ANKRD11: variants seen among roughly 807,000 people sequenced by gnomAD.
ANKRD11 encodes the protein ankyrin repeat domain-containing protein 11.
Under a neutral mutation model 195.7 loss-of-function variants are expected in ANKRD11, and 17 were observed. The observed-to-expected ratio is 0.09, with a 90% CI of 0.06 to 0.13. ANKRD11 has a LOEUF of 0.13. Ranked by LOEUF, ANKRD11 falls within the 10% of genes least tolerant of loss-of-function variation. ANKRD11 has a pLI of 1.00. For synonymous variants in ANKRD11, 1,953 were observed against 1,528.1 expected (o/e 1.28, Z -6.49); for missense variants, 3,735 against 3,566.1 (o/e 1.05, Z -1.21).
At chr16:89,334,991 G>A (rs969749175) in intron 2 of ANKRD11, among the ~76,000 whole-genome samples, 18 of 152,090 alleles carry the variant, frequency 1.2e-4, no homozygotes, top group Admixed American at 1.1e-3. Flanking sequence ...GATCCCACAG[G>A]TACATGTGAC....
Position 89,285,479 on chromosome 16 carries a change from G to C in ANKRD11, c.1063C>G (p.Gln355Glu). Residue 355 changes from glutamine (Q) to glutamate (E), a missense_variant, in exon 9 of 13, where the codon CAG (glutamine) becomes GAG (glutamate). Coordinates refer to ENST00000301030, the MANE Select transcript of ANKRD11 (RefSeq NM_013275.6). The surrounding 1 kb of genome is among the most constrained non-coding windows in gnomAD (Gnocchi z 5.6). ...DEYEFDEDDE[Q>E]DRVPPVDDKH... ...TCGTCCACCGGAGGAACCCTGTCCT[G>C]CTCGTCGTCCTCATCAAACTCATAC... 1 of 1,614,192 alleles carries C rather than the reference G, an allele frequency of 6.2e-7. No homozygotes were observed. The highest frequency in any genetic ancestry group is 8.5e-7 in the Non-Finnish European group (1 of 1,180,032).
intron 11 of ANKRD11, among the ~76,000 whole-genome samples, chr16:89,274,416 G>A: frequency 6.6e-6 from 1 of 151,700 alleles, no homozygotes; most frequent in East Asian, 1.9e-4. Flanking sequence ...TGCTGTGAAA[G>A]CCCTCGATGT....
rs116068457 is a variant in ANKRD11, at chr16:89,459,034, G to A, written c.-145+31211C>T. On this transcript the variant is annotated intron_variant, in intron 1 of 12. Transcript: ENST00000301030. Reference sequence around the variant, plus strand: ...ACTCTTCAAAAACTATACTAAACAAGGGAAGACTGTGCTAGATGAAATAAC... The same window carrying A: ...ACTCTTCAAAAACTATACTAAACAAAGGAAGACTGTGCTAGATGAAATAAC... 1,178 of 158,578 alleles carry A rather than the reference G, an allele frequency of 7.4e-3. 14 individuals carry two copies. Among genetic ancestry groups the A allele is most frequent in the African/African-American group, 0.026 (1,101 of 41,850 alleles). The allele number at this position is 158,578 out of a possible 1,614,324, so 9.8% of individuals were successfully genotyped here.
At chr16:89,313,724 C>T (rs1745031333) in intron 3 of ANKRD11, 2 of 621,184 alleles carry the variant, frequency 3.2e-6, no homozygotes, top group South Asian at 3.4e-5. Flanking sequence ...AGTTCTGGCA[C>T]TTGGGGCTCA....
At chr16:89,458,010 C>T (rs1291757466) in intron 1 of ANKRD11, among the ~76,000 whole-genome samples, 1 of 152,094 alleles carries the variant, frequency 6.6e-6, no homozygotes, top group African/African-American at 2.4e-5. Context: ...GGAGACCCCA[C>T]ACCTGGGGAC....
chr16:89,314,470 T>G (rs925517650), intron 3 of ANKRD11, among the ~76,000 whole-genome samples: 1 of 152,102 alleles, frequency 6.6e-6, no homozygotes, highest in African/African-American at 2.4e-5. Context: ...ACATCAGCGC[T>G]GGGGCTGCCG....
In ANKRD11 at chr16:89,280,190, C is replaced by G; in HGVS notation, c.6352G>C (p.Val2118Leu). 2 of 1,608,710 alleles carry G rather than the reference C, an allele frequency of 1.2e-6. No individual in the cohort carries two copies. Among genetic ancestry groups the G allele is most frequent in the Non-Finnish European group, 1.7e-6 (2 of 1,179,066 alleles). Residue 2118 changes from valine to leucine, a missense_variant, in exon 9 of 13, where the codon GTG (valine) becomes CTG (leucine). Coordinates refer to ENST00000301030, the MANE Select transcript of ANKRD11 (RefSeq NM_013275.6). Reference protein sequence around the residue: ...GLSHLGQVEPVPWADAFAGPE... With the variant: ...GLSHLGQVEPLPWADAFAGPE... ...CCGGCGAAGGCGTCCGCCCAGGGCA[C>G]CGGCTCCACCTGGCCGAGGTGAGAC...
chr16:89,437,835 C>T (rs551493746), intron 1 of ANKRD11, among the ~76,000 whole-genome samples: 4 of 152,312 alleles, frequency 2.6e-5, no homozygotes, highest in Non-Finnish European at 4.4e-5. Context: ...GGCACCTCGA[C>T]GCTATGCCCA....
At chr16:89,328,126 G>A (rs562691724) in intron 2 of ANKRD11, among the ~76,000 whole-genome samples, 3 of 144,584 alleles carry the variant, frequency 2.1e-5, no homozygotes, top group African/African-American at 7.7e-5. Flanking sequence ...AAGCCGTTAG[G>A]GAAACACAAC....
chr16:89,404,906 C>T (rs1280685468), intron 2 of ANKRD11, among the ~76,000 whole-genome samples: 2 of 152,230 alleles, frequency 1.3e-5, no homozygotes, highest in Non-Finnish European at 1.5e-5. Context: ...CTTTCCTTTA[C>T]AGTAAAGTGA....
chr16:89,283,557 C>G lies in ANKRD11; in HGVS notation c.2985G>C (p.Lys995Asn), dbSNP rs2151757174. The part of the protein sequence containing the change: ...FKDKSDGDFG[K>N]GLEPWERHHP... ...GGTGCCGTTCCCACGGCTCCAGGCC[C>G]TTCCCAAAGTCGCCGTCGGACTTGT... Residue 995 changes from lysine (K) to asparagine (N), a missense_variant, in exon 9 of 13, where the codon AAG becomes AAC. By Grantham distance (94) the Lys-to-Asn change is moderately conservative. Transcript: ENST00000301030. The surrounding 1 kb of genome is among the most constrained non-coding windows in gnomAD (Gnocchi z 4.3). 3.7e-6 allele frequency: 6 copies of G among 1,612,184 alleles called. No homozygotes were observed. In the East Asian group the frequency reaches 8.9e-5, roughly 24 times the overall value.
At chr16:89,416,042 C>T (rs1375105328) in intron 2 of ANKRD11, among the ~76,000 whole-genome samples, 1 of 151,944 alleles carries the variant, frequency 6.6e-6, no homozygotes, top group African/African-American at 2.4e-5. Flanking sequence ...CTAACCACCA[C>T]AGGCAAACAA....
intron 1 of ANKRD11, among the ~76,000 whole-genome samples, chr16:89,470,081 T>G (rs2057023923): frequency 6.6e-6 from 1 of 151,134 alleles, no homozygotes; most frequent in African/African-American, 2.4e-5. Flanking sequence ...AATTTTTTTG[T>G]ATTTTTAGTA....
intron 1 of ANKRD11, among the ~76,000 whole-genome samples, chr16:89,461,662 G>C (rs962359941): frequency 6.6e-6 from 1 of 152,024 alleles, no homozygotes; most frequent in Non-Finnish European, 1.5e-5. Flanking sequence ...TTTTAATACC[G>C]ATTTACTAAA....
intron 2 of ANKRD11, among the ~76,000 whole-genome samples, chr16:89,405,175 C>T (rs886582839): frequency 1.3e-5 from 2 of 152,016 alleles, no homozygotes; most frequent in Admixed American, 6.6e-5. Context: ...GCCTGGGCGA[C>T]AGAGCAAGAC....
chr16:89,272,656 G>A (rs772765688), intron 11 of ANKRD11: 7 of 152,180 alleles, frequency 4.6e-5, no homozygotes, highest in Non-Finnish European at 7.3e-5. Context: ...GGTGACAGAG[G>A]AAGACTCAGA....
chr16:89,422,791 C>T (rs1319069560), intron 1 of ANKRD11, among the ~76,000 whole-genome samples: 1 of 152,200 alleles, frequency 6.6e-6, no homozygotes, highest in Non-Finnish European at 1.5e-5. Context: ...TCTCCCTTTT[C>T]TCCCCTAAGA....
At chr16:89,420,498 G>A (rs948316638) in intron 1 of ANKRD11, 3 of 152,156 alleles carry the variant, frequency 2.0e-5, no homozygotes, top group Non-Finnish European at 4.4e-5. Flanking sequence ...AAGAAACTGG[G>A]CCCAAATCAG....
intron 3 of ANKRD11, among the ~76,000 whole-genome samples, chr16:89,311,257 CATTTT>C (rs1217967517): frequency 6.6e-6 from 1 of 152,154 alleles, no homozygotes; most frequent in Non-Finnish European, 1.5e-5. Flanking sequence ...GTACATTATT[CATTTT>C]ATTTTATAAG....
Sources: allele counts gnomAD v4.1 joint callset (sites outside exome capture counted in the v4.1 genomes callset), GRCh38; gene constraint gnomAD v4.1.1; non-coding constraint Gnocchi (gnomAD v3.1); transcripts MANE v1.5; gene names NCBI Gene and HGNC (gene_info 2026-07-23, HGNC 2026-07-21).